The following GCNT1 variants were observed in gnomAD, a reference collection of about 807,000 sequenced individuals.
GCNT1 encodes beta-1,3-galactosyl-O-glycosyl-glycoprotein beta-1,6-N-acetylglucosaminyltransferase.
Under a neutral mutation model 26.2 loss-of-function variants are expected in GCNT1, and 16 were observed. The ratio of observed to expected loss-of-function variants is 0.61; its 90% CI spans 0.41 to 0.93. The LOEUF (loss-of-function observed/expected upper bound fraction) is 0.93, where lower values mean the gene tolerates loss of function less well. GCNT1 is among the 40% of genes least tolerant of loss of function. GCNT1 has a pLI of 0.00. For missense variants in GCNT1, 477 were observed against 526.7 expected (o/e 0.91, Z 0.92); for synonymous variants, 183 against 190.8 (o/e 0.96, Z 0.34).
chr9:76,402,544 T>C, the GCNT1 span, among the ~76,000 whole-genome samples: 5 of 152,296 alleles, frequency 3.3e-5, no homozygotes, highest in Non-Finnish European at 5.9e-5. Flanking sequence ...ACAGAGAGTC[T>C]ACAAAATGCT....
intron 1 of GCNT1, among the ~76,000 whole-genome samples, chr9:76,453,169 C>T (rs985731999): frequency 1.3e-5 from 2 of 152,174 alleles, no homozygotes; most frequent in African/African-American, 2.4e-5. Flanking sequence ...CTGTTTAGCA[C>T]AGGAGATCCC....
At chr9:76,440,249 G>A (rs1178181497), upstream of GCNT1, among the ~76,000 whole-genome samples, 1 of 152,078 alleles carries the variant, frequency 6.6e-6, no homozygotes, top group Non-Finnish European at 1.5e-5. Context: ...GAGCAGTTCA[G>A]TTCAATACCC....
At chr9:76,491,111 G>A (rs893085925) in intron 2 of GCNT1, among the ~76,000 whole-genome samples, 2 of 151,784 alleles carry the variant, frequency 1.3e-5, no homozygotes, top group Non-Finnish European at 2.9e-5. Context: ...CTTTCTCTTT[G>A]ACTTCTTCTT....
intron 1 of GCNT1, among the ~76,000 whole-genome samples, chr9:76,432,914 G>A (rs1013638563): frequency 1.3e-5 from 2 of 151,696 alleles, no homozygotes; most frequent in African/African-American, 4.8e-5. Flanking sequence ...CCTTTGAACG[G>A]TGCCTTTGTT....
chr9:76,402,000 A>G, the GCNT1 span, among the ~76,000 whole-genome samples: 1 of 152,262 alleles, frequency 6.6e-6, no homozygotes, highest in African/African-American at 2.4e-5. Flanking sequence ...CAAAATAATG[A>G]TAGATGAAGT....
chr9:76,471,579 C>T (rs10512063), intron 2 of GCNT1, among the ~76,000 whole-genome samples: 7,831 of 152,100 alleles, frequency 0.051, 656 homozygotes, highest in African/African-American at 0.18. Context: ...TGGCAGAAAA[C>T]TTATGAGTTC....
chr9:76,479,659 C>A (rs1289734822), intron 2 of GCNT1, among the ~76,000 whole-genome samples: 1 of 152,152 alleles, frequency 6.6e-6, no homozygotes, highest in Non-Finnish European at 1.5e-5. Flanking sequence ...TAAATGTCTT[C>A]TTTTGAGAAG....
In GCNT1 at chr9:76,426,047, C is replaced by T. The variant is rs921643850; in HGVS notation, n.38+6160C>T. ...GCCTCTAGCTGCATGACTCCTAAAC[C>T]ATAATTTCTAATCTTGTGGCTAATT... On this transcript the variant is annotated intron_variant and non_coding_transcript_variant, in intron 1 of 3. Coordinates refer to the GCNT1 transcript ENST00000488136. 2.0e-5 allele frequency among the ~76,000 whole-genome samples: 3 copies of T among 152,272 alleles called. 1 individual carries two copies. The highest frequency in any genetic ancestry group is 2.0e-4 in the Admixed American group (3 of 15,294).
chr9:76,466,604 T>C (rs1467557127), intron 2 of GCNT1, among the ~76,000 whole-genome samples: 1 of 152,172 alleles, frequency 6.6e-6, no homozygotes, highest in African/African-American at 2.4e-5. Flanking sequence ...GTCTGGCCAC[T>C]ACTGGGAATT....
At chr9:76,401,781 G>T in the GCNT1 span, among the ~76,000 whole-genome samples, 1 of 152,176 alleles carries the variant, frequency 6.6e-6, no homozygotes, top group African/African-American at 2.4e-5. Context: ...TATAATCCCA[G>T]CACTTTGGGA....
chr9:76,489,648 G>C lies in GCNT1; in HGVS notation c.-289-11268G>C, dbSNP rs534229523. Among the ~76,000 whole-genome samples the C allele has an allele frequency of 1.6e-4, 24 of 152,294 alleles. 1 individual carries two copies. The South Asian group carries it at 4.6e-3, about 29-fold the overall frequency. On this transcript the variant is annotated intron_variant, in intron 2 of 3. Coordinates refer to ENST00000376730, the MANE Select transcript of GCNT1 (RefSeq NM_001490.5). ...ATTTACAATCCTCTAGCTAGACACA[G>C]AGCACTGATGGGTGTTTTTACAATC...
intron 1 of GCNT1, among the ~76,000 whole-genome samples, chr9:76,427,285 G>A (rs1341598871): frequency 6.7e-6 from 1 of 150,358 alleles, no homozygotes; most frequent in African/African-American, 2.5e-5. Context: ...CAGCCTTGAC[G>A]TTCTGGGCTC....
intron 2 of GCNT1, among the ~76,000 whole-genome samples, chr9:76,490,204 C>T (rs1210016934): frequency 2.0e-5 from 3 of 152,216 alleles, no homozygotes; most frequent in East Asian, 1.9e-4. Context: ...AAAAGCAACA[C>T]TCTTTCCCTA....
At chr9:76,399,452 G>A in the GCNT1 span, 1,688 of 1,568,214 alleles carry the variant, frequency 1.1e-3, 33 homozygotes, top group Non-Finnish European at 1.2e-4. Context: ...GTCTGAAGGT[G>A]TACAGGTGCC....
At chr9:76,410,904 C>A in the GCNT1 span, among the ~76,000 whole-genome samples, 1 of 152,298 alleles carries the variant, frequency 6.6e-6, no homozygotes, top group East Asian at 1.9e-4. Flanking sequence ...ATTGTTATGT[C>A]TTCTTGAAAA....
intron 2 of GCNT1, among the ~76,000 whole-genome samples, chr9:76,487,397 A>G (rs1280521499): frequency 6.6e-6 from 1 of 152,190 alleles, no homozygotes; most frequent in Non-Finnish European, 1.5e-5. Context: ...TGAAATTGAT[A>G]AGTATTCACT....
In GCNT1 at chr9:76,505,132, A is replaced by G; in HGVS notation, c.*1464A>G. ...TTTGTCATTTAGCATTAGACTTTAA[A>G]CAAGAATTAAAATCATGTGCTGTAT... On this transcript the variant is annotated 3_prime_UTR_variant, in exon 4 of 4. Coordinates refer to ENST00000376730, the MANE Select transcript of GCNT1 (RefSeq NM_001490.5). The G allele has an allele frequency of 2.4e-6, 1 of 409,804 alleles. No homozygotes were observed. The highest frequency in any genetic ancestry group is 3.6e-5 in the East Asian group (1 of 27,912). 25.4% of individuals were successfully genotyped at this position (409,804 alleles called of 1,614,324 possible). A position where few individuals can be genotyped will look rare whatever the true frequency, so the allele number is the denominator to read the frequency against.
intron 1 of GCNT1, among the ~76,000 whole-genome samples, chr9:76,432,153 C>G (rs1184498693): frequency 6.6e-6 from 1 of 152,088 alleles, no homozygotes; most frequent in Non-Finnish European, 1.5e-5. Context: ...GTTTTAGAAG[C>G]TCCTTGCCAA....
At chr9:76,488,318 CT>C (rs967591478) in intron 2 of GCNT1, among the ~76,000 whole-genome samples, 2 of 151,872 alleles carry the variant, frequency 1.3e-5, no homozygotes, top group African/African-American at 4.8e-5. Flanking sequence ...TTCCTTTTTT[CT>C]TTTTCTTCTG....
Sources: allele counts gnomAD v4.1 joint callset (sites outside exome capture counted in the v4.1 genomes callset), GRCh38; gene constraint gnomAD v4.1.1; transcripts MANE v1.5; gene names NCBI Gene and HGNC (gene_info 2026-07-23, HGNC 2026-07-21).